MAPRE3: variants seen among roughly 807,000 people sequenced by gnomAD.
MAPRE3 encodes microtubule-associated protein RP/EB family member 3.
In MAPRE3, 2 loss-of-function variants were observed where a neutral mutation model predicts 30.5. The observed-to-expected ratio is 0.07, with a 90% CI of 0.03 to 0.21. MAPRE3 has a LOEUF of 0.21. Ranked by LOEUF, MAPRE3 falls within the 10% of genes least tolerant of loss-of-function variation. The pLI, the probability that MAPRE3 is intolerant of heterozygous loss-of-function variation, is 1.00. For synonymous variants in MAPRE3, 110 were observed against 127.7 expected (o/e 0.86, Z 0.93); for missense variants, 204 against 351.8 (o/e 0.58, Z 3.36).
At chr2:27,009,503 G>T (rs1004193553) in intron 1 of MAPRE3, among the ~76,000 whole-genome samples, 3 of 152,170 alleles carry the variant, frequency 2.0e-5, no homozygotes, top group Admixed American at 2.0e-4. Flanking sequence ...AATTTCATTT[G>T]TTGTAATTTT....
chr2:27,025,623 G>A lies in MAPRE3; in HGVS notation c.510G>A (p.Gln170=). 1 of 1,599,412 alleles carries A rather than the reference G, an allele frequency of 6.3e-7. No individual in the cohort carries two copies. Among genetic ancestry groups the A allele is most frequent in the East Asian group, 2.2e-5 (1 of 44,850 alleles). The change falls in exon 5 of 7, where the codon CAG becomes CAA. Residue 170 remains glutamine (Q), a synonymous_variant. Coordinates refer to ENST00000233121, the MANE Select transcript of MAPRE3 (RefSeq NM_012326.4). ...CCCCCACAGGCCCAAAAAACATGCAGACCTCTGGCCGGCTGAGCAATGTGG... is the reference window on the plus strand; with the variant it reads ...CCCCCACAGGCCCAAAAAACATGCAAACCTCTGGCCGGCTGAGCAATGTGG... The part of the protein sequence containing the change: ...RTSPTGPKNM[Q]TSGRLSNVAP...
At chr2:26,976,506 T>C (rs1190361379) in intron 1 of MAPRE3, among the ~76,000 whole-genome samples, 1 of 152,204 alleles carries the variant, frequency 6.6e-6, no homozygotes, top group Non-Finnish European at 1.5e-5. Context: ...TGGTTTTTCT[T>C]GTGCACAGAG....
chr2:27,000,174 A>T (rs1473018428), intron 1 of MAPRE3, among the ~76,000 whole-genome samples: 1 of 152,228 alleles, frequency 6.6e-6, no homozygotes, highest in Non-Finnish European at 1.5e-5. Context: ...TGTTACTATT[A>T]TGCTCTCCCT....
intron 1 of MAPRE3, among the ~76,000 whole-genome samples, chr2:26,972,226 A>G (rs992726447): frequency 2.6e-5 from 4 of 152,226 alleles, no homozygotes; most frequent in Non-Finnish European, 5.9e-5. Context: ...TTTACTCCAG[A>G]TGGTAAAAGG....
intron 1 of MAPRE3, among the ~76,000 whole-genome samples, chr2:27,019,172 G>A (rs1035209791): frequency 6.6e-6 from 1 of 152,060 alleles, no homozygotes; most frequent in Non-Finnish European, 1.5e-5. Flanking sequence ...TGGCATTACA[G>A]GCATGAGCCA....
intron 3 of MAPRE3, 68 bp from the exon 4 acceptor site, chr2:27,024,028 C>A: frequency 7.8e-7 from 1 of 1,290,166 alleles, no homozygotes; most frequent in Non-Finnish European, 1.1e-6. Context: ...AGCAGTGGCC[C>A]TCAGCAGAGG....
chr2:27,005,928 A>G (rs574877207), intron 1 of MAPRE3, among the ~76,000 whole-genome samples: 6 of 152,156 alleles, frequency 3.9e-5, no homozygotes, highest in Non-Finnish European at 8.8e-5. Context: ...CACGCCTGTA[A>G]TCCCAGCACT....
At position 26,997,944 on chromosome 2, in the gene MAPRE3, C is replaced by T. The variant is rs148422049; in HGVS notation, c.-7-24268C>T. Reference sequence around the variant, plus strand: ...CAGCCTTCAGTCTGGTTCTTGACCCCGATAGGGCATGCCCACAGGGTGTCA... The same window carrying T: ...CAGCCTTCAGTCTGGTTCTTGACCCTGATAGGGCATGCCCACAGGGTGTCA... On this transcript the variant is annotated intron_variant, in intron 1 of 6. Coordinates refer to ENST00000233121, the MANE Select transcript of MAPRE3 (RefSeq NM_012326.4). Among the ~76,000 whole-genome samples the T allele has an allele frequency of 7.9e-3, 1,205 of 152,258 alleles. 15 individuals carry two copies. The highest frequency in any genetic ancestry group is 0.028 in the African/African-American group (1,176 of 41,548).
intron 1 of MAPRE3, 99 bp from the exon 2 acceptor site, chr2:27,022,113 T>A: frequency 7.2e-7 from 1 of 1,392,740 alleles, no homozygotes; most frequent in East Asian, 2.3e-5. Context: ...CTGGAGGGAA[T>A]GTTTCTTACT....
At chr2:26,971,698 G>A (rs1572737352) in intron 1 of MAPRE3, among the ~76,000 whole-genome samples, 1 of 152,090 alleles carries the variant, frequency 6.6e-6, no homozygotes, top group African/African-American at 2.4e-5. Flanking sequence ...TCCATAGGAA[G>A]TGCTTACTGT....
At chr2:26,992,691 T>G (rs1226836425) in intron 1 of MAPRE3, among the ~76,000 whole-genome samples, 2 of 152,292 alleles carry the variant, frequency 1.3e-5, no homozygotes, top group African/African-American at 2.4e-5. Context: ...TCCCTGCCCT[T>G]GAATTCATGT....
intron 1 of MAPRE3, among the ~76,000 whole-genome samples, chr2:27,011,480 C>T (rs1666853046): frequency 6.6e-6 from 1 of 152,174 alleles, no homozygotes; most frequent in Admixed American, 6.5e-5. Context: ...GAAATGATCC[C>T]ATGTCCTCAT....
At chr2:27,022,141 C>T in intron 1 of MAPRE3, 71 bp from the exon 2 acceptor site, 1 of 1,546,734 alleles carries the variant, frequency 6.5e-7, no homozygotes, top group Non-Finnish European at 8.8e-7. Context: ...ATCATACAGC[C>T]CCTCTCTCTT....
rs143220728 is a variant in MAPRE3 at position 26,993,935 on chromosome 2, C to A, written c.-8+23133C>A. ...TGAGTAGGAGATGGCGCTCTCCCCCCAGACAGAGACTAATTGAGAAGACTG... is the reference window on the plus strand; with the variant it reads ...TGAGTAGGAGATGGCGCTCTCCCCCAAGACAGAGACTAATTGAGAAGACTG... On this transcript the variant is annotated intron_variant, in intron 1 of 6. Transcript: ENST00000233121. Among the ~76,000 whole-genome samples, 324 of 152,276 alleles carry A rather than the reference C, an allele frequency of 2.1e-3. 1 individual carries two copies. The highest frequency in any genetic ancestry group is 7.3e-3 in the African/African-American group (303 of 41,570).
At chr2:27,001,539 A>G (rs1245788559) in intron 1 of MAPRE3, among the ~76,000 whole-genome samples, 1 of 152,220 alleles carries the variant, frequency 6.6e-6, no homozygotes, top group Non-Finnish European at 1.5e-5. Flanking sequence ...GATAACTGAT[A>G]GATAGGCATA....
intron 1 of MAPRE3, among the ~76,000 whole-genome samples, chr2:26,973,995 C>T (rs1013053068): frequency 2.0e-5 from 3 of 152,222 alleles, no homozygotes; most frequent in African/African-American, 7.2e-5. Context: ...TTAATGCCCT[C>T]ATTTCTAAAG....
At chr2:26,976,556 C>CA (rs1666018034) in intron 1 of MAPRE3, among the ~76,000 whole-genome samples, 1 of 152,236 alleles carries the variant, frequency 6.6e-6, no homozygotes, top group African/African-American at 2.4e-5. Context: ...ATCTTGCACT[C>CA]ACTAGCACCA....
chr2:27,024,329 G>A, intron 4 of MAPRE3, 32 bp downstream of exon 4: 1 of 1,601,398 alleles, frequency 6.2e-7, no homozygotes, highest in Non-Finnish European at 8.5e-7. Context: ...AGGGAGCGTG[G>A]GGGGCCGGGC....
intron 1 of MAPRE3, among the ~76,000 whole-genome samples, chr2:26,987,619 CAA>C (rs987400002): frequency 1.1e-4 from 17 of 152,146 alleles, no homozygotes; most frequent in Admixed American, 7.2e-4. Context: ...GCCTGGGAAA[CAA>C]GAGCAAAATT....
Sources: gnomAD v4.1 joint callset for allele counts (sites outside exome capture counted in the v4.1 genomes callset) on GRCh38, gnomAD v4.1.1 for gene constraint, MANE v1.5 for transcripts, NCBI Gene and HGNC (gene_info 2026-07-23, HGNC 2026-07-21) for gene names.